Variants in ASCC1 observed in about 807,000 individuals in gnomAD.
The protein encoded by ASCC1 is ASC-1 complex subunit P50.
A neutral mutation model predicts 46.6 loss-of-function variants in ASCC1; 35 were observed. The ratio of observed to expected loss-of-function variants is 0.75; its 90% confidence interval spans 0.57 to 0.99. The LOEUF is 0.99. ASCC1 is among the 50% of genes least tolerant of loss of function. The pLI, the probability that ASCC1 is intolerant of heterozygous loss-of-function variation, is 0.00. For missense variants in ASCC1, 376 were observed against 428.7 expected (o/e 0.88, Z 1.09); for synonymous variants, 143 against 146.6 (o/e 0.98, Z 0.18).
At chr10:72,146,454 G>A (rs995955237) in intron 7 of ASCC1, among the ~76,000 whole-genome samples, 12 of 152,206 alleles carry the variant, frequency 7.9e-5, no homozygotes, top group Admixed American at 1.3e-4. Context: ...GAGTGCAGGA[G>A]ATGAAAATAG....
At chr10:72,203,776 T>C (rs997958198) in intron 3 of ASCC1, among the ~76,000 whole-genome samples, 5 of 152,134 alleles carry the variant, frequency 3.3e-5, no homozygotes, top group African/African-American at 4.8e-5. Flanking sequence ...CCAACACCCG[T>C]TTGCTTCTCA....
chr10:72,189,399 C>T (rs188841383), intron 5 of ASCC1, among the ~76,000 whole-genome samples: 3 of 151,496 alleles, frequency 2.0e-5, no homozygotes, highest in Admixed American at 2.0e-4. Flanking sequence ...CAGAGCAAGA[C>T]TCCATCTCAA....
intron 5 of ASCC1, among the ~76,000 whole-genome samples, chr10:72,191,240 TA>T (rs1486252202): frequency 1.2e-4 from 17 of 137,282 alleles, no homozygotes; most frequent in African/African-American, 5.6e-4. Flanking sequence ...TTTTTTTTTG[TA>T]TTTTTAGTAG....
chr10:72,215,581 GAA>G (rs1314754143), intron 1 of ASCC1, among the ~76,000 whole-genome samples: 1 of 151,566 alleles, frequency 6.6e-6, no homozygotes, highest in African/African-American at 2.4e-5. Context: ...AGTTCTCAAC[GAA>G]AAAAGACTTT....
intron 1 of ASCC1, among the ~76,000 whole-genome samples, chr10:72,213,971 GA>G (rs1235313809): frequency 6.6e-6 from 1 of 152,024 alleles, no homozygotes; most frequent in Non-Finnish European, 1.5e-5. Context: ...CCAGGAGGCG[GA>G]AGTTGCAGTG....
intron 9 of ASCC1, among the ~76,000 whole-genome samples, chr10:72,117,523 A>G (rs1024804376): frequency 6.6e-6 from 1 of 152,100 alleles, no homozygotes; most frequent in Admixed American, 6.5e-5. Context: ...TCTCTTTGCC[A>G]TTTGCCAGAG....
intron 5 of ASCC1, among the ~76,000 whole-genome samples, chr10:72,183,503 G>C (rs966584829): frequency 3.3e-5 from 5 of 151,970 alleles, no homozygotes; most frequent in Admixed American, 6.6e-5. Flanking sequence ...ACAAAAATTA[G>C]CTGGGCATGA....
At chr10:72,134,441 A>G (rs1159053227) in intron 7 of ASCC1, 2 of 152,400 alleles carry the variant, frequency 1.3e-5, no homozygotes, top group Non-Finnish European at 2.9e-5. Context: ...CTCTTAAAAA[A>G]AGAAAAACAA....
intron 5 of ASCC1, among the ~76,000 whole-genome samples, chr10:72,191,931 A>AACC (rs1194669023): frequency 6.6e-6 from 1 of 151,968 alleles, no homozygotes; most frequent in African/African-American, 2.4e-5. Flanking sequence ...CACAGGCATG[A>AACC]ACCACCACGC....
chr10:72,124,242 T>C (rs1289926365), intron 9 of ASCC1, among the ~76,000 whole-genome samples: 2 of 152,224 alleles, frequency 1.3e-5, no homozygotes, highest in Non-Finnish European at 2.9e-5. Context: ...TAAAAGATTC[T>C]TATATATAAA....
intron 9 of ASCC1, among the ~76,000 whole-genome samples, chr10:72,126,931 G>A (rs1325584474): frequency 6.6e-6 from 1 of 152,236 alleles, no homozygotes; most frequent in African/African-American, 2.4e-5. Context: ...CTGCAATGCA[G>A]GTGCGGGAAT....
rs557712440 is a variant in ASCC1 at position 72,110,113 on chromosome 10, AGAT to A, written c.958-12666_958-12664del. On this transcript the variant is annotated intron_variant, in intron 9 of 9. Transcript: ENST00000672957. ...GCAGGTGCCCTTTCAGAACTAATCT[AGAT>A]GATGTTTCTGCAGATAAATTCTCTC... is the stretch of plus-strand genomic sequence containing the variant. Among the ~76,000 whole-genome samples the A allele has an allele frequency of 2.4e-4, 36 of 152,370 alleles. No homozygotes were observed. The East Asian group carries it at 6.9e-3, about 29-fold the overall frequency.
chr10:72,171,113 A>C (rs1439823999), intron 5 of ASCC1, among the ~76,000 whole-genome samples: 1 of 152,242 alleles, frequency 6.6e-6, no homozygotes, highest in African/African-American at 2.4e-5. Context: ...AATCTGAATA[A>C]AGGATACTAT....
intron 5 of ASCC1, among the ~76,000 whole-genome samples, chr10:72,168,760 G>C (rs1158293269): frequency 6.6e-6 from 1 of 152,166 alleles, no homozygotes; most frequent in African/African-American, 2.4e-5. Context: ...CAGAGAAAAG[G>C]CCGGCAAAGA....
chr10:72,209,426 G>A (rs150819166), intron 3 of ASCC1, among the ~76,000 whole-genome samples: 84 of 152,274 alleles, frequency 5.5e-4, no homozygotes, highest in African/African-American at 1.8e-3. Flanking sequence ...AGGCTGCAGT[G>A]AGCCAAGATT....
intron 5 of ASCC1, among the ~76,000 whole-genome samples, chr10:72,178,663 G>A (rs1302942742): frequency 6.6e-6 from 1 of 152,132 alleles, no homozygotes. Context: ...ACCCAGTCCA[G>A]CCCACTGGGT....
intron 9 of ASCC1, among the ~76,000 whole-genome samples, chr10:72,098,275 G>A (rs1422481125): frequency 6.6e-6 from 1 of 152,216 alleles, no homozygotes; most frequent in African/African-American, 2.4e-5. Context: ...CCTGAATAAG[G>A]AGCGTCAAAG....
intron 7 of ASCC1, among the ~76,000 whole-genome samples, chr10:72,149,901 G>A (rs1265123262): frequency 1.3e-5 from 2 of 151,836 alleles, no homozygotes; most frequent in Non-Finnish European, 2.9e-5. Context: ...AGAAAAATCT[G>A]GCAGCCAGGC....
chr10:72,211,074 G>A (rs990949469), intron 2 of ASCC1, among the ~76,000 whole-genome samples: 2 of 152,164 alleles, frequency 1.3e-5, no homozygotes, highest in African/African-American at 4.8e-5. Flanking sequence ...ACCCTGGGAA[G>A]GTAGCATATG....
Sources: gnomAD v4.1 joint callset for allele counts (sites outside exome capture counted in the v4.1 genomes callset) on GRCh38, gnomAD v4.1.1 for gene constraint, MANE v1.5 for transcripts, NCBI Gene and HGNC (gene_info 2026-07-23, HGNC 2026-07-21) for gene names.